Variants in AP3B1 observed in about 807,000 individuals in gnomAD.
The protein encoded by AP3B1 is AP-3 complex subunit beta-1.
Under a neutral mutation model 132.5 loss-of-function variants are expected in AP3B1, and 61 were observed. The observed-to-expected ratio is 0.46, with a 90% CI of 0.37 to 0.57. AP3B1 has a LOEUF of 0.57. AP3B1 is among the 20% of genes least tolerant of loss of function. AP3B1 has a pLI of 0.00. For synonymous variants in AP3B1, 388 were observed against 438.3 expected (o/e 0.89, Z 1.43); for missense variants, 1,120 against 1,289.4 (o/e 0.87, Z 2.01).
intron 22 of AP3B1, chr5:78,087,633 T>G: frequency 1.0e-6 from 1 of 985,334 alleles, no homozygotes; most frequent in Non-Finnish European, 1.2e-6. Flanking sequence ...TGGCGGTCAT[T>G]TTTTGCCCAA....
intron 14 of AP3B1, among the ~76,000 whole-genome samples, chr5:78,146,843 A>T (rs1753420166): frequency 2.0e-5 from 3 of 152,118 alleles, no homozygotes; most frequent in Admixed American, 2.0e-4. Context: ...CTTACTTTAC[A>T]ACTGGTCTGG....
At chr5:78,251,165 G>T (rs1160771023) in intron 2 of AP3B1, among the ~76,000 whole-genome samples, 1 of 152,138 alleles carries the variant, frequency 6.6e-6, no homozygotes, top group African/African-American at 2.4e-5. Flanking sequence ...ACCGTATCTT[G>T]AATATTTTCT....
At chr5:78,251,380 C>T (rs777557216) in intron 2 of AP3B1, among the ~76,000 whole-genome samples, 4 of 152,208 alleles carry the variant, frequency 2.6e-5, no homozygotes, top group Non-Finnish European at 1.5e-5. Flanking sequence ...GGGGAGCACT[C>T]ACAGGACTTG....
intron 1 of AP3B1, 99 bp downstream of exon 1, chr5:78,294,353 G>A: frequency 1.3e-6 from 2 of 1,582,052 alleles, no homozygotes; most frequent in South Asian, 2.2e-5. Context: ...CAGACCTCAG[G>A]GCGACCCCGC....
intron 26 of AP3B1, among the ~76,000 whole-genome samples, chr5:78,004,742 A>G (rs1197185596): frequency 6.6e-6 from 1 of 152,248 alleles, no homozygotes; most frequent in East Asian, 1.9e-4. Flanking sequence ...TGTGCACTCT[A>G]CAAGCATGCT....
chr5:78,247,317 A>T (rs1382309717), intron 2 of AP3B1, among the ~76,000 whole-genome samples: 1 of 149,222 alleles, frequency 6.7e-6, no homozygotes, highest in East Asian at 1.9e-4. Flanking sequence ...ATAATAATAA[A>T]AAGAATGTAT....
intron 21 of AP3B1, 38 bp from the exon 22 acceptor site, chr5:78,089,537 CGT>C: frequency 7.7e-7 from 1 of 1,305,248 alleles, no homozygotes; most frequent in Non-Finnish European, 1.1e-6. Context: ...TGTGCATGAA[CGT>C]TTAATTCAAA....
At chr5:78,285,955 G>T (rs962725381) in intron 1 of AP3B1, among the ~76,000 whole-genome samples, 1 of 152,066 alleles carries the variant, frequency 6.6e-6, no homozygotes, top group African/African-American at 2.4e-5. Context: ...CCTAGTTCAA[G>T]AGGCAAAATG....
chr5:78,277,774 T>C (rs187723076), intron 1 of AP3B1, among the ~76,000 whole-genome samples: 92 of 152,330 alleles, frequency 6.0e-4, no homozygotes, highest in African/African-American at 2.2e-3. Context: ...AACTTGTTTC[T>C]TAGAAAGACA....
chr5:78,078,488 C>T (rs1749853507), intron 22 of AP3B1, among the ~76,000 whole-genome samples: 1 of 152,226 alleles, frequency 6.6e-6, no homozygotes, highest in South Asian at 2.1e-4. Context: ...ATTTTGTACA[C>T]TAGCTATATC....
intron 7 of AP3B1, among the ~76,000 whole-genome samples, 181 bp from the exon 8 acceptor site, chr5:78,181,843 A>G (rs1219293316): frequency 6.6e-6 from 1 of 152,180 alleles, no homozygotes; most frequent in African/African-American, 2.4e-5. Context: ...GATTTTTCTC[A>G]TATTTTATAA....
In AP3B1 at chr5:78,120,760, T is replaced by C. The variant is rs550353026; in HGVS notation, c.1969-4526A>G. 9.1e-4 allele frequency among the ~76,000 whole-genome samples: 138 copies of C among 152,202 alleles called. No individual in the cohort carries two copies. In the Middle Eastern group the frequency reaches 0.01, roughly 11 times the overall value. ...TTAATAATGGGAGACTTTAACACCC[T>C]ACTGTCAACATTAAACAGATCAACG... On this transcript the variant is annotated intron_variant, in intron 17 of 26. Transcript: ENST00000255194.
At chr5:78,078,293 A>G (rs971821975) in intron 22 of AP3B1, among the ~76,000 whole-genome samples, 2 of 152,184 alleles carry the variant, frequency 1.3e-5, no homozygotes, top group Admixed American at 1.3e-4. Flanking sequence ...AATCTCAGTT[A>G]TCTACCTAAA....
chr5:78,202,552 A>AGTGTGAGT (rs1554075461), intron 7 of AP3B1, among the ~76,000 whole-genome samples: 4 of 146,056 alleles, frequency 2.7e-5, no homozygotes, highest in Non-Finnish European at 4.5e-5. Flanking sequence ...CCATATATTC[A>AGTGTGAGT]GTGTGTGTGT....
At chr5:78,189,930 AAAT>A (rs1056342975) in intron 7 of AP3B1, among the ~76,000 whole-genome samples, 2 of 143,190 alleles carry the variant, frequency 1.4e-5, no homozygotes, top group African/African-American at 5.1e-5. Context: ...AAATAAAATA[AAAT>A]AAAATAAAAA....
intron 22 of AP3B1, among the ~76,000 whole-genome samples, chr5:78,086,534 G>C (rs1325944495): frequency 6.6e-6 from 1 of 152,132 alleles, no homozygotes; most frequent in African/African-American, 2.4e-5. Flanking sequence ...CAGGTGGTCT[G>C]AATCAAGAGC....
chr5:78,182,399 T>C (rs930223513), intron 7 of AP3B1, among the ~76,000 whole-genome samples: 4 of 152,238 alleles, frequency 2.6e-5, no homozygotes, highest in African/African-American at 7.2e-5. Flanking sequence ...AGATGTACTT[T>C]TCCCCATCTC....
chr5:78,199,025 T>C (rs1745184493), intron 7 of AP3B1, among the ~76,000 whole-genome samples: 1 of 152,224 alleles, frequency 6.6e-6, no homozygotes, highest in Non-Finnish European at 1.5e-5. Flanking sequence ...ACATGTTTTA[T>C]ATCACAGCCC....
At chr5:78,249,172 T>C (rs929458547) in intron 2 of AP3B1, among the ~76,000 whole-genome samples, 2 of 151,624 alleles carry the variant, frequency 1.3e-5, no homozygotes, top group African/African-American at 4.8e-5. Context: ...CTGACCAACA[T>C]GGTGAAACCC....
Sources: allele counts gnomAD v4.1 joint callset (sites outside exome capture counted in the v4.1 genomes callset), GRCh38; gene constraint gnomAD v4.1.1; transcripts MANE v1.5; gene names NCBI Gene and HGNC (gene_info 2026-07-23, HGNC 2026-07-21).